DMD: variants seen among roughly 807,000 people sequenced by gnomAD.
The protein encoded by DMD is dystrophin.
In DMD, 63 loss-of-function variants were observed where a neutral mutation model predicts 330.1. The observed-to-expected ratio is 0.19, with a 90% CI of 0.16 to 0.24. The LOEUF (loss-of-function observed/expected upper bound fraction) is 0.24, where lower values mean the gene tolerates loss of function less well. DMD is among the 10% of genes least tolerant of loss of function. DMD has a pLI of 1.00. For missense variants in DMD, 3,344 were observed against 2,684.1 expected (o/e 1.25, Z -5.43); for synonymous variants, 1,223 against 959.8 (o/e 1.27, Z -5.07).
chrX:32,050,007 T>C (rs2096095718), intron 44 of DMD, among the ~76,000 whole-genome samples: 2 of 112,010 alleles, frequency 1.8e-5, no homozygotes, highest in African/African-American at 3.2e-5. Flanking sequence ...ACTTTCCTAG[T>C]TAAGTATATT....
rs181878053 is a variant in DMD at position 32,405,500 on chromosome X, C to A, written c.4233+6252G>T. On this transcript the variant is annotated intron_variant, in intron 30 of 78. Coordinates refer to ENST00000357033, the MANE Select transcript of DMD (RefSeq NM_004006.3). ...TTTCCATATCTAGAAGAGTTTTCCC[C>A]ATTTGCTTTATTCTGTTTCAATAAA... 4.8e-3 allele frequency among the ~76,000 whole-genome samples: 532 copies of A among 111,388 alleles called. 5 individuals are homozygous for A. The highest frequency in any genetic ancestry group is 0.017 in the African/African-American group (509 of 30,712).
At chrX:31,510,699 C>T (rs1408265762) in intron 55 of DMD, among the ~76,000 whole-genome samples, 28 of 108,994 alleles carry the variant, frequency 2.6e-4, no homozygotes, top group Non-Finnish European at 4.4e-4. Context: ...TTAGTAGAAA[C>T]AGGGTTTCAC....
rs189307567 is a variant in DMD at position 32,828,581 on chromosome X, C to G, written c.265-5194G>C. ...TATCTACACATATACACATATATAT[C>G]TATACATCTATACACATATATACAT... On this transcript the variant is annotated intron_variant, in intron 4 of 78. Transcript: ENST00000357033. Among the ~76,000 whole-genome samples the G allele has an allele frequency of 8.8e-3, 916 of 103,618 alleles. 11 individuals carry two copies. Among genetic ancestry groups the G allele is most frequent in the African/African-American group, 0.033 (863 of 25,808 alleles). The allele number at this position is 103,618 out of a possible 115,157, so 90.0% of individuals were successfully genotyped here.
chrX:32,595,030 A>C (rs1187495761), intron 13 of DMD, among the ~76,000 whole-genome samples: 9 of 111,585 alleles, frequency 8.1e-5, no homozygotes, highest in Non-Finnish European at 1.7e-4. Flanking sequence ...GACACTACAG[A>C]GCTATATAGA....
At chrX:32,139,243 C>G (rs1449875340) in intron 44 of DMD, among the ~76,000 whole-genome samples, 1 of 111,803 alleles carries the variant, frequency 8.9e-6, no homozygotes, top group Non-Finnish European at 1.9e-5. Flanking sequence ...ATAAAACAAG[C>G]GCCCCTTAAG....
At chrX:32,289,005 C>G (rs2097455274) in intron 42 of DMD, among the ~76,000 whole-genome samples, 1 of 111,725 alleles carries the variant, frequency 9.0e-6, no homozygotes, top group African/African-American at 3.3e-5. Context: ...CTAGCAGCCC[C>G]ACATCACTTT....
chrX:31,904,834 G>C (rs776774084), intron 47 of DMD, among the ~76,000 whole-genome samples: 31 of 111,629 alleles, frequency 2.8e-4, no homozygotes, highest in Non-Finnish European at 5.8e-4. Context: ...TATGTATCCT[G>C]ATACTCTAAA....
At chrX:31,979,575 C>A (rs1346698491) in intron 44 of DMD, among the ~76,000 whole-genome samples, 1 of 110,724 alleles carries the variant, frequency 9.0e-6, no homozygotes, top group Non-Finnish European at 1.9e-5. Context: ...TGGTAAAAAG[C>A]ATGATTAAAT....
At chrX:31,409,969 C>A (rs978465067) in intron 60 of DMD, among the ~76,000 whole-genome samples, 11 of 111,121 alleles carry the variant, frequency 9.9e-5, no homozygotes, top group African/African-American at 3.3e-4. Context: ...CAGGCGCCCG[C>A]CACCATGCCT....
At chrX:32,971,205 G>T (rs1460866371) in intron 2 of DMD, among the ~76,000 whole-genome samples, 1 of 110,875 alleles carries the variant, frequency 9.0e-6, no homozygotes, top group African/African-American at 3.3e-5. Context: ...CCAGTCATCC[G>T]CTTGCCTTGG....
intron 11 of DMD, among the ~76,000 whole-genome samples, chrX:32,619,973 G>T (rs188055762): frequency 2.7e-5 from 3 of 111,306 alleles, no homozygotes; most frequent in Non-Finnish European, 3.8e-5. Flanking sequence ...AAGAGGAAGA[G>T]AAAAGTACCA....
chrX:32,812,399 G>A (rs1022780457), intron 6 of DMD, among the ~76,000 whole-genome samples: 1 of 112,341 alleles, frequency 8.9e-6, no homozygotes, highest in African/African-American at 3.2e-5. Context: ...TTGGGAGGCC[G>A]AGACGGGTCA....
At chrX:31,611,062 G>A (rs568773539) in intron 55 of DMD, among the ~76,000 whole-genome samples, 1 of 107,319 alleles carries the variant, frequency 9.3e-6, no homozygotes, top group South Asian at 4.0e-4. Flanking sequence ...CAAAAGCACA[G>A]AGACTCTGTC....
At chrX:32,342,406 T>G (rs1569558921) in intron 40 of DMD, 124 bp from the exon 41 acceptor site, 4 of 710,198 alleles carry the variant, frequency 5.6e-6, no homozygotes, top group Non-Finnish European at 6.2e-6. Context: ...TCCTTTGAAG[T>G]TTACAAATAT....
intron 1 of DMD, among the ~76,000 whole-genome samples, chrX:33,049,196 G>A (rs1336935624): frequency 8.9e-6 from 1 of 111,898 alleles, no homozygotes. Context: ...TGGTTGCAAT[G>A]TTTCTAAAGT....
intron 62 of DMD, among the ~76,000 whole-genome samples, chrX:31,293,751 G>T (rs1439201620): frequency 8.9e-6 from 1 of 112,303 alleles, no homozygotes; most frequent in Admixed American, 9.5e-5. Flanking sequence ...GGCTATGGGG[G>T]TTACTGCCAG....
chrX:31,932,027 C>G, intron 46 of DMD, 53 bp downstream of exon 46: 1 of 1,164,984 alleles, frequency 8.6e-7, no homozygotes. Flanking sequence ...AAAATAGATT[C>G]ATATACTTCT....
chrX:32,510,133 C>T (rs138399334), intron 18 of DMD, among the ~76,000 whole-genome samples: 2,091 of 112,074 alleles, frequency 0.019, 58 homozygotes, highest in African/African-American at 0.062. Flanking sequence ...TCGCTGACAG[C>T]TGAATAAAAG....
chrX:32,700,079 T>C (rs933717086), intron 7 of DMD, among the ~76,000 whole-genome samples: 2 of 109,833 alleles, frequency 1.8e-5, no homozygotes, highest in African/African-American at 6.6e-5. Context: ...TTCAAAAGAT[T>C]CATTTGCTAC....
Sources: allele counts gnomAD v4.1 joint callset (sites outside exome capture counted in the v4.1 genomes callset), GRCh38; gene constraint gnomAD v4.1.1; transcripts MANE v1.5; gene names NCBI Gene and HGNC (gene_info 2026-07-23, HGNC 2026-07-21).